ASAP1: variants seen among roughly 807,000 people sequenced by gnomAD.
ASAP1 encodes the protein ArfGAP with SH3 domain, ankyrin repeat and PH domain 1, also known as arf-GAP with SH3 domain, ANK repeat and PH domain-containing protein 1.
In ASAP1, 43 loss-of-function variants were observed where a neutral mutation model predicts 145.2. The ratio of observed to expected loss-of-function variants is 0.30; its 90% CI spans 0.23 to 0.38. The LOEUF (loss-of-function observed/expected upper bound fraction) is 0.38, where lower values mean the gene tolerates loss of function less well. Ranked by LOEUF, ASAP1 falls within the 10% of genes least tolerant of loss-of-function variation. ASAP1 has a pLI of 1.00. For synonymous variants in ASAP1, 546 were observed against 515.5 expected (o/e 1.06, Z -0.80); for missense variants, 1,018 against 1,355.3 (o/e 0.75, Z 3.91).
At chr8:130,315,022 C>T (rs1272273322) in intron 3 of ASAP1, among the ~76,000 whole-genome samples, 1 of 152,192 alleles carries the variant, frequency 6.6e-6, no homozygotes, top group East Asian at 1.9e-4. Context: ...ACTGTCTGCT[C>T]CCGTCACAAT....
chr8:130,067,905 G>A (rs981172139), intron 27 of ASAP1, among the ~76,000 whole-genome samples: 1 of 152,166 alleles, frequency 6.6e-6, no homozygotes, highest in Non-Finnish European at 1.5e-5. Flanking sequence ...ATAAAAATCA[G>A]TCTGCTGGGA....
chr8:130,099,012 CTT>C (rs61047760), intron 24 of ASAP1, among the ~76,000 whole-genome samples: 9 of 116,064 alleles, frequency 7.8e-5, no homozygotes, highest in Admixed American at 1.9e-4. Flanking sequence ...CTAATATAAG[CTT>C]TTTTTTTTTT....
chr8:130,084,549 G>A (rs1047127420), intron 25 of ASAP1: 1 of 152,230 alleles, frequency 6.6e-6, no homozygotes, highest in Non-Finnish European at 1.5e-5. Flanking sequence ...TTTGTGGAAA[G>A]AGAGGGGGCA....
At chr8:130,094,867 C>T (rs1564951981) in intron 24 of ASAP1, among the ~76,000 whole-genome samples, 2 of 152,210 alleles carry the variant, frequency 1.3e-5, no homozygotes, top group East Asian at 3.8e-4. Flanking sequence ...CTAGCAATTT[C>T]ATCTTTATCG....
chr8:130,416,119 A>G (rs2138672033), intron 1 of ASAP1, among the ~76,000 whole-genome samples: 1 of 152,214 alleles, frequency 6.6e-6, no homozygotes, highest in Non-Finnish European at 1.5e-5. Context: ...CCTGGACAGG[A>G]TGCTAAGCCT....
At chr8:130,356,313 G>A (rs1826302267) in intron 3 of ASAP1, among the ~76,000 whole-genome samples, 1 of 152,148 alleles carries the variant, frequency 6.6e-6, no homozygotes, top group African/African-American at 2.4e-5. Flanking sequence ...CTATTAGGAG[G>A]CACTGAAAAA....
rs142924621 is a variant in ASAP1, at chr8:130,072,790, G to GGTGT, written c.2701+3557_2701+3558insACAC. Among the ~76,000 whole-genome samples, 104 of 66,076 alleles carry GGTGT rather than the reference G, an allele frequency of 1.6e-3. 14 individuals are homozygous for GGTGT. The highest frequency in any genetic ancestry group is 5.6e-3 in the Admixed American group (33 of 5,848). The allele number at this position is 66,076 out of a possible 152,430, so 43.3% of individuals were successfully genotyped here. A position where few individuals can be genotyped will look rare whatever the true frequency, so the allele number is the denominator to read the frequency against. ...GTTCTGAAGGCCTGGACTTGCAATT[G>GGTGT]ATATGTGTGTGTGTGTGTGTGTGTG... On this transcript the variant is annotated intron_variant, in intron 27 of 29. Transcript: ENST00000518721.
At chr8:130,187,411 C>T (rs982287189) in intron 6 of ASAP1, 126 bp from the exon 7 acceptor site, 13 of 737,916 alleles carry the variant, frequency 1.8e-5, no homozygotes, top group South Asian at 8.1e-5. Context: ...ACTTTATGCA[C>T]GTTACACCAT....
chr8:130,319,778 GA>G, intron 3 of ASAP1, among the ~76,000 whole-genome samples: 1 of 152,316 alleles, frequency 6.6e-6, no homozygotes, highest in South Asian at 2.1e-4. Context: ...GAAGCAGTAA[GA>G]CAGGTACACC....
At chr8:130,284,020 T>C (rs1565170569) in intron 3 of ASAP1, among the ~76,000 whole-genome samples, 1 of 152,176 alleles carries the variant, frequency 6.6e-6, no homozygotes, top group Non-Finnish European at 1.5e-5. Flanking sequence ...GGACTGGGTA[T>C]GTGATGAGGA....
chr8:130,396,538 C>A (rs372043775), intron 2 of ASAP1, among the ~76,000 whole-genome samples: 1 of 152,234 alleles, frequency 6.6e-6, no homozygotes, highest in Non-Finnish European at 1.5e-5. Context: ...AAAGGATTTT[C>A]GCAGCAGAAC....
intron 20 of ASAP1, 91 bp from the exon 21 acceptor site, chr8:130,117,086 T>TC: frequency 1.3e-6 from 1 of 797,880 alleles, no homozygotes; most frequent in South Asian, 1.9e-5. Context: ...GACAACTGAG[T>TC]CAAATTTGAG....
At chr8:130,099,680 CTT>C (rs57950334) in intron 24 of ASAP1, among the ~76,000 whole-genome samples, 1,961 of 100,188 alleles carry the variant, frequency 0.02, 48 homozygotes, top group African/African-American at 0.067. Context: ...GGATTTCATT[CTT>C]TTTTTTTTTT....
At chr8:130,254,242 T>C (rs1819380450) in intron 3 of ASAP1, among the ~76,000 whole-genome samples, 2 of 152,210 alleles carry the variant, frequency 1.3e-5, no homozygotes, top group African/African-American at 4.8e-5. Flanking sequence ...TGGGTTTTTC[T>C]TTTTAAATAT....
chr8:130,087,536 C>T (rs1180864275), intron 25 of ASAP1, among the ~76,000 whole-genome samples: 1 of 152,000 alleles, frequency 6.6e-6, no homozygotes, highest in African/African-American at 2.4e-5. Flanking sequence ...AAAAAGAGAA[C>T]TTGACAGGTG....
chr8:130,160,059 T>G (rs2097665918), intron 11 of ASAP1, 95 bp from the exon 12 acceptor site: 9 of 1,038,802 alleles, frequency 8.7e-6, no homozygotes, highest in Non-Finnish European at 1.3e-5. Context: ...CTGGTCTGGG[T>G]CTAAGGGAAT....
At chr8:130,232,637 CA>C (rs1378069594) in intron 4 of ASAP1, among the ~76,000 whole-genome samples, 1 of 150,226 alleles carries the variant, frequency 6.7e-6, no homozygotes, top group Non-Finnish European at 1.5e-5. Context: ...AAAAAAAAAC[CA>C]AAAAACCCTC....
chr8:130,120,198 A>G (rs1055873945), intron 18 of ASAP1, among the ~76,000 whole-genome samples: 2 of 152,230 alleles, frequency 1.3e-5, no homozygotes, highest in Admixed American at 6.5e-5. Flanking sequence ...TAGGATGGCT[A>G]GAGCCTGATG....
chr8:130,404,794 C>G (rs73425588), intron 1 of ASAP1, among the ~76,000 whole-genome samples: 2,640 of 152,256 alleles, frequency 0.017, 77 homozygotes, highest in African/African-American at 0.059. Flanking sequence ...CACTGACTTG[C>G]TGTAGCCAAT....
Sources: allele counts gnomAD v4.1 joint callset (sites outside exome capture counted in the v4.1 genomes callset), GRCh38; gene constraint gnomAD v4.1.1; transcripts MANE v1.5; gene names NCBI Gene and HGNC (gene_info 2026-07-23, HGNC 2026-07-21).